The following ERBB4 variants were observed in gnomAD, a reference collection of about 807,000 sequenced individuals.
The protein encoded by ERBB4 is erb-b2 receptor tyrosine kinase 4.
In ERBB4, 42 loss-of-function variants were observed where a neutral mutation model predicts 158.0. The observed-to-expected ratio is 0.27, with a 90% CI of 0.21 to 0.34. The LOEUF is 0.34. Ranked by LOEUF, ERBB4 falls within the 10% of genes least tolerant of loss-of-function variation. The pLI is 1.00. For synonymous variants in ERBB4, 583 were observed against 558.7 expected, an observed-to-expected ratio of 1.04 and a Z score of -0.61; for missense variants, 1,333 against 1,624.1, an observed-to-expected ratio of 0.82 and a Z score of 3.08.
At position 211,552,761 on chromosome 2, in the gene ERBB4, A is replaced by C. The variant is rs1285632640; in HGVS notation, c.2487+9142T>G. 2.6e-5 allele frequency among the ~76,000 whole-genome samples: 4 copies of C among 152,182 alleles called. No homozygotes were observed. In the East Asian group the frequency reaches 7.7e-4, roughly 29 times the overall value. On this transcript the variant is annotated intron_variant, in intron 20 of 27. Transcript: ENST00000342788. Reference sequence around the variant, plus strand: ...ATATATGTATCATAAAAAAGCTACAAAAGATAGTTTCCTTAGAGCAAAGTC... The same window carrying C: ...ATATATGTATCATAAAAAAGCTACACAAGATAGTTTCCTTAGAGCAAAGTC...
chr2:211,809,547 G>A (rs181087172), intron 3 of ERBB4, among the ~76,000 whole-genome samples: 136 of 151,952 alleles, frequency 9.0e-4, no homozygotes, highest in East Asian at 2.5e-3. Flanking sequence ...CCCCTTTATC[G>A]TTTTTTATTG....
chr2:211,635,189 TAAAAGGA>T (rs2125883353), intron 16 of ERBB4, among the ~76,000 whole-genome samples: 1 of 152,324 alleles, frequency 6.6e-6, no homozygotes, highest in Admixed American at 6.5e-5. Context: ...AAGCTTAGAC[TAAAAGGA>T]TACGATCAAT....
At chr2:211,450,535 G>T (rs1258481529) in intron 20 of ERBB4, among the ~76,000 whole-genome samples, 1 of 152,092 alleles carries the variant, frequency 6.6e-6, no homozygotes, top group East Asian at 1.9e-4. Flanking sequence ...ATGGAGAGAA[G>T]TAATCGATTT....
At position 212,397,217 on chromosome 2, in the gene ERBB4, G is replaced by A. The variant is rs148465278; in HGVS notation, c.82+141232C>T. 3.5e-3 allele frequency among the ~76,000 whole-genome samples: 533 copies of A among 152,232 alleles called. 5 individuals are homozygous for A. The highest frequency in any genetic ancestry group is 0.012 in the African/African-American group (519 of 41,552). On this transcript the variant is annotated intron_variant, in intron 1 of 27. Transcript: ENST00000342788. ...AGGCAGGCCATGGTGGTTCATGCCT[G>A]TAATCTCAGCACTTTGAGAGACTGA...
intron 2 of ERBB4, among the ~76,000 whole-genome samples, chr2:212,086,951 G>C (rs1277146297): frequency 6.6e-6 from 1 of 151,888 alleles, no homozygotes; most frequent in East Asian, 1.9e-4. Context: ...CAACAGTTTC[G>C]AATAGAGCCT....
intron 1 of ERBB4, among the ~76,000 whole-genome samples, chr2:212,226,445 T>G (rs1308367427): frequency 2.0e-5 from 3 of 152,024 alleles, no homozygotes; most frequent in Non-Finnish European, 4.4e-5. Flanking sequence ...TTGTGATAAT[T>G]TATTACACAG....
At chr2:211,623,737 C>T (rs962004447) in intron 18 of ERBB4, among the ~76,000 whole-genome samples, 185 bp downstream of exon 18, 9 of 152,068 alleles carry the variant, frequency 5.9e-5, no homozygotes, top group African/African-American at 1.9e-4. Flanking sequence ...AGACTGTATC[C>T]GTCCCAGCTC....
intron 19 of ERBB4, among the ~76,000 whole-genome samples, chr2:211,591,512 G>C (rs2068462414): frequency 6.6e-6 from 1 of 152,166 alleles, no homozygotes. Flanking sequence ...GACAGACTAA[G>C]TCATACTCAT....
intron 1 of ERBB4, among the ~76,000 whole-genome samples, chr2:212,147,882 T>C (rs16847791): frequency 0.019 from 2,920 of 152,252 alleles, 88 homozygotes; most frequent in African/African-American, 0.067. Flanking sequence ...GGAATCCTTA[T>C]TTTTCTCAAG....
intron 3 of ERBB4, among the ~76,000 whole-genome samples, chr2:211,917,485 C>A (rs1394836289): frequency 6.6e-6 from 1 of 152,096 alleles, no homozygotes; most frequent in East Asian, 1.9e-4. Context: ...GATGAAGAAA[C>A]AAAATATGGA....
intron 3 of ERBB4, among the ~76,000 whole-genome samples, chr2:211,930,011 A>G (rs1197861058): frequency 1.3e-5 from 2 of 152,098 alleles, no homozygotes; most frequent in Non-Finnish European, 2.9e-5. Flanking sequence ...TTTCTTTAGG[A>G]AACTTTGAAA....
chr2:211,714,934 T>G (rs1478833931), intron 7 of ERBB4, among the ~76,000 whole-genome samples: 1 of 151,998 alleles, frequency 6.6e-6, no homozygotes, highest in Non-Finnish European at 1.5e-5. Context: ...TATGGCTGTG[T>G]GGGGGCTAAG....
chr2:211,571,041 C>CT (rs549254649), intron 19 of ERBB4, among the ~76,000 whole-genome samples: 70,269 of 107,874 alleles, frequency 0.65, 25,079 homozygotes, highest in East Asian at 0.83. Flanking sequence ...TACTCTTCTT[C>CT]TTTTTTTTTT....
chr2:212,442,283 C>A (rs999282896), intron 1 of ERBB4, among the ~76,000 whole-genome samples: 3 of 150,490 alleles, frequency 2.0e-5, no homozygotes, highest in Non-Finnish European at 3.0e-5. Context: ...ATCATGGCCC[C>A]TCAACAAATT....
chr2:212,177,555 C>A (rs1313981081), intron 1 of ERBB4, among the ~76,000 whole-genome samples: 1 of 151,884 alleles, frequency 6.6e-6, no homozygotes, highest in Non-Finnish European at 1.5e-5. Flanking sequence ...ATCCCCTACT[C>A]TCTACTCCTT....
At chr2:211,826,442 T>A (rs2077101129) in intron 3 of ERBB4, among the ~76,000 whole-genome samples, 2 of 152,004 alleles carry the variant, frequency 1.3e-5, no homozygotes, top group Admixed American at 1.3e-4. Context: ...TGCAGGTCCC[T>A]ATTGTGTTTC....
Position 212,158,115 on chromosome 2 carries a change from C to G in ERBB4, c.83-33212G>C, listed in dbSNP as rs75064390. On this transcript the variant is annotated intron_variant, in intron 1 of 27. Transcript: ENST00000342788. ...TGTTTTGCATTTGTCTCACTGAATC[C>G]TTTGAACAAATTAGGAAGCAAACAA... Among the ~76,000 whole-genome samples, 1,007 of 152,076 alleles carry G rather than the reference C, an allele frequency of 6.6e-3. 7 individuals are homozygous for G. The highest frequency in any genetic ancestry group is 0.024 in the Middle Eastern group (7 of 294).
intron 3 of ERBB4, among the ~76,000 whole-genome samples, chr2:211,870,498 G>A (rs185414681): frequency 1.2e-3 from 178 of 151,836 alleles, no homozygotes; most frequent in African/African-American, 3.7e-3. Flanking sequence ...TATCTACATC[G>A]AAATAAGATT....
Position 211,618,479 on chromosome 2 carries a change from T to C in ERBB4, c.2301+698A>G, listed in dbSNP as rs1464251092. ...TTGAGTTGCTGCCACAGAGAACACG[T>C]AGCATATAAAAGCCTGACTATAATC... On this transcript the variant is annotated intron_variant, in intron 19 of 27. Transcript: ENST00000342788. Among the ~76,000 whole-genome samples the C allele has an allele frequency of 2.0e-5, 3 of 151,614 alleles. No homozygotes were observed. The East Asian group carries it at 5.8e-4, about 29-fold the overall frequency.
Sources: allele counts gnomAD v4.1 joint callset (sites outside exome capture counted in the v4.1 genomes callset), GRCh38; gene constraint gnomAD v4.1.1; transcripts MANE v1.5; gene names NCBI Gene and HGNC (gene_info 2026-07-23, HGNC 2026-07-21).